The following ESR1 variants were observed in gnomAD, a reference collection of about 807,000 sequenced individuals.
ESR1 encodes the protein estrogen receptor 1.
ESR1 carries 12 observed loss-of-function variants against 52.7 expected under a neutral mutation model. The ratio of observed to expected loss-of-function variants is 0.23; its 90% CI spans 0.15 to 0.37. ESR1 has a LOEUF of 0.37. Among genes scored for constraint, ESR1 ranks in the 10% least tolerant of loss-of-function variants. The probability of loss-of-function intolerance (pLI) is 1.00; values close to 1 mark genes in which losing one functional copy is unlikely to be tolerated. For synonymous variants in ESR1, 305 were observed against 316.8 expected (o/e 0.96, Z 0.39); for missense variants, 584 against 779.7 (o/e 0.75, Z 2.99).
At chr6:152,128,514 A>T (rs932602760) in exon 7 of ESR1, 1 of 152,248 alleles carries the variant, frequency 6.6e-6, no homozygotes. Context: ...CACCACCATC[A>T]AATCAAATTG....
At position 151,726,413 on chromosome 6, in the gene ESR1, G is replaced by A. The variant is rs1424679831; in HGVS notation, c.-71+24408G>A. 8.6e-5 allele frequency among the ~76,000 whole-genome samples: 13 copies of A among 151,856 alleles called. No individual in the cohort carries two copies. In the East Asian group the frequency reaches 1.7e-3, roughly 20 times the overall value. On this transcript the variant is annotated intron_variant, in intron 2 of 2. Transcript: ENST00000404742. ...GTGGCGCAATCTCGGCTCACTGCAA[G>A]CTCCGCCTGCCGGGTTCACACCATT...
chr6:151,686,687 C>G (rs1778697497), upstream of ESR1, among the ~76,000 whole-genome samples: 1 of 127,130 alleles, frequency 7.9e-6, no homozygotes, highest in Admixed American at 8.2e-5. Flanking sequence ...GACTCCATCT[C>G]AAAACCAACC....
At chr6:151,839,353 A>G (rs377662285) in intron 1 of ESR1, among the ~76,000 whole-genome samples, 4 of 152,268 alleles carry the variant, frequency 2.6e-5, no homozygotes, top group African/African-American at 9.6e-5. Flanking sequence ...TAAGTGTTGG[A>G]GAGGATATAG....
intron 6 of ESR1, among the ~76,000 whole-genome samples, chr6:152,123,280 C>G (rs1048914743): frequency 1.4e-4 from 22 of 152,182 alleles, no homozygotes; most frequent in African/African-American, 3.4e-4. Context: ...GGTTCCAAAG[C>G]TGTACGAACA....
intron 2 of ESR1, among the ~76,000 whole-genome samples, chr6:151,785,231 C>A (rs1321919917): frequency 1.3e-5 from 2 of 152,120 alleles, no homozygotes; most frequent in Non-Finnish European, 2.9e-5. Flanking sequence ...AGTGACAGGA[C>A]AGTGAAAGAT....
intron 4 of ESR1, among the ~76,000 whole-genome samples, chr6:151,989,731 T>C (rs2040837258): frequency 1.3e-5 from 2 of 152,160 alleles, no homozygotes; most frequent in African/African-American, 4.8e-5. Context: ...GGGATTATTC[T>C]GTGCATTTTC....
chr6:151,661,607 G>C (rs1468532510), intron 1 of ESR1, among the ~76,000 whole-genome samples: 1 of 152,202 alleles, frequency 6.6e-6, no homozygotes, highest in Admixed American at 6.5e-5. Context: ...GCACCAATAA[G>C]TTTTGGCTCT....
chr6:151,897,689 G>A lies in ESR1; in HGVS notation c.760+16918G>A, dbSNP rs552296273. ...TTTAGGCTATTTAAATTCAATGTTA[G>A]TATTGAGATGTGAGGTACTATTCTG... On this transcript the variant is annotated intron_variant, in intron 3 of 7. Transcript: ENST00000206249. Among the ~76,000 whole-genome samples, 10 of 152,258 alleles carry A rather than the reference G, an allele frequency of 6.6e-5. No individual in the cohort carries two copies. The East Asian group carries it at 1.5e-3, about 24-fold the overall frequency.
chr6:151,737,271 C>T (rs146035758), intron 2 of ESR1, among the ~76,000 whole-genome samples: 10 of 152,182 alleles, frequency 6.6e-5, no homozygotes, highest in South Asian at 2.1e-4. Flanking sequence ...TATTTCTTTA[C>T]GATAGAGTCC....
chr6:152,019,777 A>T (rs946997062), intron 5 of ESR1, among the ~76,000 whole-genome samples: 2 of 152,176 alleles, frequency 1.3e-5, no homozygotes, highest in Admixed American at 6.5e-5. Flanking sequence ...CCTGTCCATG[A>T]TGGTATTAGA....
In ESR1 at chr6:152,098,725, C is replaced by A. The variant is rs1585254245; in HGVS notation, c.1554-7C>A. The A allele has an allele frequency of 6.2e-7, 1 of 1,612,230 alleles. No individual in the cohort carries two copies. Among genetic ancestry groups the A allele is most frequent in the Admixed American group, 1.7e-5 (1 of 59,974 alleles). The stretch of plus-strand genomic sequence containing the variant: ...AAGTAGTCCTTTCTGTGTCTTCCCA[C>A]CTACAGTAACAAAGGCATGGAGCAT... On this transcript the variant is annotated splice_polypyrimidine_tract_variant and splice_region_variant and intron_variant, in intron 7 of 7. Coordinates refer to ENST00000206249, the MANE Select transcript of ESR1 (RefSeq NM_000125.4). This position sits in a 1 kb window ranked among gnomAD's most constrained non-coding sequence, Gnocchi z 5.1.
At chr6:151,845,756 A>G (rs1316391686) in intron 2 of ESR1, among the ~76,000 whole-genome samples, 1 of 152,156 alleles carries the variant, frequency 6.6e-6, no homozygotes, top group Non-Finnish European at 1.5e-5. Flanking sequence ...TGGGATAAAT[A>G]TTGAGTCCAA....
At chr6:151,921,402 C>T (rs2031641976) in intron 3 of ESR1, among the ~76,000 whole-genome samples, 1 of 152,148 alleles carries the variant, frequency 6.6e-6, no homozygotes, top group Admixed American at 6.5e-5. Context: ...CATATGCATA[C>T]ATGTATCTTT....
At chr6:152,070,481 G>A (rs778445130) in intron 6 of ESR1, among the ~76,000 whole-genome samples, 1 of 138,250 alleles carries the variant, frequency 7.2e-6, no homozygotes, top group Admixed American at 6.7e-5. Context: ...ACTATGAATT[G>A]TTCAATGGGT....
chr6:152,042,817 C>A (rs2045918883), intron 5 of ESR1, among the ~76,000 whole-genome samples: 1 of 152,200 alleles, frequency 6.6e-6, no homozygotes, highest in African/African-American at 2.4e-5. Context: ...CTACACAAGT[C>A]AGACTATTCT....
chr6:151,689,738 C>G (rs1305095419), upstream of ESR1, among the ~76,000 whole-genome samples: 3 of 152,052 alleles, frequency 2.0e-5, no homozygotes, highest in Non-Finnish European at 4.4e-5. Flanking sequence ...TGCCAGAAAG[C>G]CAGCCTTTTT....
intron 5 of ESR1, among the ~76,000 whole-genome samples, chr6:152,029,010 T>G (rs897459011): frequency 1.2e-4 from 18 of 152,252 alleles, no homozygotes; most frequent in African/African-American, 4.3e-4. Flanking sequence ...CAGCCTCCGC[T>G]GCTGATACCC....
At chr6:151,949,531 C>T (rs2036093266) in intron 4 of ESR1, among the ~76,000 whole-genome samples, 1 of 152,212 alleles carries the variant, frequency 6.6e-6, no homozygotes, top group Non-Finnish European at 1.5e-5. Flanking sequence ...GGAGAGATGA[C>T]AGAAGCCTCT....
downstream of ESR1, chr6:152,103,278 A>T (rs953135092): frequency 1.7e-5 from 3 of 178,454 alleles, no homozygotes; most frequent in African/African-American, 4.7e-5. Context: ...AACTAAAGAC[A>T]ACGAGTTTGT....
Sources: allele counts gnomAD v4.1 joint callset (sites outside exome capture counted in the v4.1 genomes callset), GRCh38; gene constraint gnomAD v4.1.1; non-coding constraint Gnocchi (gnomAD v3.1); transcripts MANE v1.5; gene names NCBI Gene and HGNC (gene_info 2026-07-23, HGNC 2026-07-21).